NCOA2: variants seen among roughly 807,000 people sequenced by gnomAD.
NCOA2 encodes the protein nuclear receptor coactivator 2.
NCOA2 carries 21 observed loss-of-function variants against 145.1 expected under a neutral mutation model. That is an observed-to-expected ratio of 0.14 (90% confidence interval 0.10 to 0.21). The LOEUF (loss-of-function observed/expected upper bound fraction) is 0.21. NCOA2 is among the 10% of genes least tolerant of loss of function. The pLI, the probability that NCOA2 is intolerant of heterozygous loss-of-function variation, is 1.00. For missense variants in NCOA2, 1,472 were observed against 1,837.6 expected, an observed-to-expected ratio of 0.80 and a Z score of 3.64; for synonymous variants, 619 against 637.5, an observed-to-expected ratio of 0.97 and a Z score of 0.44.
rs369349334 is a variant in NCOA2, at chr8:70,174,798, C to G, written c.321G>C (p.Gln107His). Reference sequence around the variant, plus strand: ...CCAGCGCATCCTTGTCGATGACACCCTGCCCTGTAGAGGATACATCTGACT... The same window carrying G: ...CCAGCGCATCCTTGTCGATGACACCGTGCCCTGTAGAGGATACATCTGACT... Reference protein sequence around the residue: ...VQKSDVSSTGQGVIDKDALGP... With the variant: ...VQKSDVSSTGHGVIDKDALGP... The change falls in exon 5 of 23, where the codon CAG (glutamine) becomes CAC (histidine). Residue 107 changes from glutamine (Q) to histidine (H), a missense_variant. By Grantham distance (24) the Gln-to-His change is conservative. Transcript: ENST00000452400. 7.4e-6 allele frequency: 12 copies of G among 1,613,638 alleles called. No homozygotes were observed. The highest frequency in any genetic ancestry group is 1.0e-5 in the Non-Finnish European group (12 of 1,179,714).
chr8:70,299,083 A>C (rs977833319), intron 1 of NCOA2, among the ~76,000 whole-genome samples: 6 of 151,918 alleles, frequency 3.9e-5, no homozygotes, highest in Non-Finnish European at 8.8e-5. Flanking sequence ...ACAAACAAAC[A>C]AAAAAAACCA....
chr8:70,301,402 C>A (rs1827473928), intron 1 of NCOA2, among the ~76,000 whole-genome samples: 1 of 151,840 alleles, frequency 6.6e-6, no homozygotes, highest in South Asian at 2.1e-4. Context: ...GCCTGTACTC[C>A]CAACACTTTG....
intron 2 of NCOA2, among the ~76,000 whole-genome samples, chr8:70,265,838 G>GTTGT (rs1563698994): frequency 1.4e-5 from 2 of 148,096 alleles, no homozygotes; most frequent in African/African-American, 5.2e-5. Context: ...TTGTTGTTTT[G>GTTGT]TTTGTTTTTT....
rs556004752 is a variant in NCOA2, at chr8:70,207,832, C to T, written c.259+6071G>A. On this transcript the variant is annotated intron_variant, in intron 4 of 22. Transcript: ENST00000452400. ...GAACTGAGATGGCGCCACTGAACTCCAGCCTGGGTGACAGAGCCTGACTCC... is the reference window on the plus strand; with the variant it reads ...GAACTGAGATGGCGCCACTGAACTCTAGCCTGGGTGACAGAGCCTGACTCC... Among the ~76,000 whole-genome samples the T allele has an allele frequency of 7.0e-5, 9 of 128,718 alleles. No individual in the cohort carries two copies. In the East Asian group the frequency reaches 1.5e-3, roughly 22 times the overall value. 84.4% of individuals were successfully genotyped at this position (128,718 alleles called of 152,430 possible).
chr8:70,399,081 T>TAA (rs1813971062), intron 1 of NCOA2, among the ~76,000 whole-genome samples: 1 of 152,234 alleles, frequency 6.6e-6, no homozygotes, highest in Non-Finnish European at 1.5e-5. Flanking sequence ...CACCTCTATC[T>TAA]AGAAATTAGC....
At chr8:70,279,389 A>G (rs1277863109) in intron 2 of NCOA2, among the ~76,000 whole-genome samples, 1 of 152,138 alleles carries the variant, frequency 6.6e-6, no homozygotes. Context: ...TGGATTTTCA[A>G]CACTATTTGT....
intron 1 of NCOA2, among the ~76,000 whole-genome samples, chr8:70,371,877 A>G (rs1008737937): frequency 2.6e-5 from 4 of 152,226 alleles, no homozygotes; most frequent in African/African-American, 9.6e-5. Flanking sequence ...GTAAGTTTTT[A>G]AAAGTGCATT....
At chr8:70,133,200 C>CTTTTTTTTTTTTTTTTTTTT (rs57813061) in intron 15 of NCOA2, among the ~76,000 whole-genome samples, 2 of 106,986 alleles carry the variant, frequency 1.9e-5, no homozygotes, top group African/African-American at 8.1e-5. Flanking sequence ...CTGGCTGCTA[C>CTTTTTTTTTTTTTTTTTTTT]TTTTTTTTTT....
intron 1 of NCOA2, among the ~76,000 whole-genome samples, chr8:70,300,024 C>T (rs1827373346): frequency 6.6e-6 from 1 of 152,156 alleles, no homozygotes; most frequent in Non-Finnish European, 1.5e-5. Context: ...AAGACTGACA[C>T]AAATACAACA....
intron 1 of NCOA2, among the ~76,000 whole-genome samples, chr8:70,356,428 T>C (rs1809703831): frequency 6.6e-6 from 1 of 152,234 alleles, no homozygotes; most frequent in Non-Finnish European, 1.5e-5. Context: ...ATAGCTCTAA[T>C]AGCTGTATTC....
chr8:70,113,152 T>C lies in NCOA2; in HGVS notation c.*480A>G. On this transcript the variant is annotated 3_prime_UTR_variant, in exon 23 of 23. Transcript: ENST00000452400. ...AATTCAGGCTTTAGCTTAAAACATCTTTAGTTTAATTTTTTAAAAAATTCT... is the reference window on the plus strand; with the variant it reads ...AATTCAGGCTTTAGCTTAAAACATCCTTAGTTTAATTTTTTAAAAAATTCT... 4.7e-6 allele frequency: 1 copy of C among 211,512 alleles called. No homozygotes were observed. The highest frequency in any genetic ancestry group is 9.6e-6 in the Non-Finnish European group (1 of 103,804). 13.1% of individuals were successfully genotyped at this position (211,512 alleles called of 1,614,324 possible). A position where few individuals can be genotyped will look rare whatever the true frequency, so the allele number is the denominator to read the frequency against.
At chr8:70,225,003 G>C (rs952986906) in intron 2 of NCOA2, among the ~76,000 whole-genome samples, 4 of 152,026 alleles carry the variant, frequency 2.6e-5, no homozygotes, top group African/African-American at 9.7e-5. Flanking sequence ...TACTTAAGTT[G>C]CCCATCATCC....
At chr8:70,168,881 T>C (rs372078569) in intron 6 of NCOA2, among the ~76,000 whole-genome samples, 1 of 152,220 alleles carries the variant, frequency 6.6e-6, no homozygotes, top group African/African-American at 2.4e-5. Flanking sequence ...TTTTCTTAAT[T>C]TACTAGAGAA....
intron 2 of NCOA2, among the ~76,000 whole-genome samples, chr8:70,226,044 T>C (rs1040635424): frequency 2.6e-5 from 4 of 152,180 alleles, no homozygotes; most frequent in African/African-American, 9.6e-5. Flanking sequence ...TATAAATGTT[T>C]ATAAAATAAT....
chr8:70,333,570 C>T lies in NCOA2; in HGVS notation c.-76-36770G>A, dbSNP rs922789120. On this transcript the variant is annotated intron_variant, in intron 1 of 22. Transcript: ENST00000452400. ...ACACATCAGCAGCAAAAAATTAACA[C>T]AAACTTTCAAAATTTAACAGAATTT... 3.9e-5 allele frequency among the ~76,000 whole-genome samples: 6 copies of T among 152,210 alleles called. No individual in the cohort carries two copies. In the East Asian group the frequency reaches 5.8e-4, roughly 15 times the overall value.
At chr8:70,137,926 T>C in intron 15 of NCOA2, 1 of 254,264 alleles carries the variant, frequency 3.9e-6, no homozygotes. Context: ...GGTTGGATGA[T>C]CTTCTGAAAC....
chr8:70,375,040 G>A (rs1323571660), intron 1 of NCOA2, among the ~76,000 whole-genome samples: 1 of 151,566 alleles, frequency 6.6e-6, no homozygotes, highest in Non-Finnish European at 1.5e-5. Context: ...ATATCATCCT[G>A]GTAAATGAAA....
intron 2 of NCOA2, among the ~76,000 whole-genome samples, chr8:70,250,951 T>C (rs1257754867): frequency 6.6e-6 from 1 of 152,228 alleles, no homozygotes; most frequent in Non-Finnish European, 1.5e-5. Context: ...CAGTGAGAAA[T>C]ACATTTCATA....
intron 1 of NCOA2, among the ~76,000 whole-genome samples, chr8:70,380,755 A>G (rs985295056): frequency 3.3e-5 from 5 of 151,882 alleles, no homozygotes; most frequent in Non-Finnish European, 5.9e-5. Context: ...ATTCATATAT[A>G]CCACACGAAA....
Sources: gnomAD v4.1 joint callset for allele counts (sites outside exome capture counted in the v4.1 genomes callset) on GRCh38, gnomAD v4.1.1 for gene constraint, MANE v1.5 for transcripts, NCBI Gene and HGNC (gene_info 2026-07-23, HGNC 2026-07-21) for gene names.